The following ABCB1 variants were observed in gnomAD, a reference collection of about 807,000 sequenced individuals.
ABCB1 encodes the protein ATP-dependent translocase ABCB1.
In ABCB1, 69 loss-of-function variants were observed where a neutral mutation model predicts 142.0. The ratio of observed to expected loss-of-function variants is 0.49; its 90% CI spans 0.40 to 0.59. The LOEUF (loss-of-function observed/expected upper bound fraction) is 0.59. Ranked by LOEUF, ABCB1 falls within the 20% of genes least tolerant of loss-of-function variation. The pLI, the probability that ABCB1 is intolerant of heterozygous loss-of-function variation, is 0.00. For missense variants in ABCB1, 1,326 were observed against 1,554.7 expected (o/e 0.85, Z 2.47); for synonymous variants, 532 against 539.2 (o/e 0.99, Z 0.18).
At chr7:87,526,524 T>A (rs1474927807) in intron 21 of ABCB1, among the ~76,000 whole-genome samples, 3 of 151,302 alleles carry the variant, frequency 2.0e-5, no homozygotes, top group East Asian at 3.9e-4. Flanking sequence ...CTACAAAAAA[T>A]TTATTAAAAA....
chr7:87,598,690 T>C (rs530354693), intron 2 of ABCB1, among the ~76,000 whole-genome samples: 3 of 152,362 alleles, frequency 2.0e-5, no homozygotes, highest in Admixed American at 1.3e-4. Flanking sequence ...TCTCAGAATA[T>C]TAAGCATTCA....
At chr7:87,595,422 T>C (rs1224053562) in intron 3 of ABCB1, among the ~76,000 whole-genome samples, 1 of 152,068 alleles carries the variant, frequency 6.6e-6, no homozygotes, top group African/African-American at 2.4e-5. Flanking sequence ...GACTTTGACC[T>C]AAAAAACCTG....
chr7:87,628,007 T>C (rs562359942), intron 1 of ABCB1, among the ~76,000 whole-genome samples: 14 of 152,320 alleles, frequency 9.2e-5, no homozygotes, highest in African/African-American at 3.4e-4. Flanking sequence ...TCCTCCCTTC[T>C]TAGTACTTAG....
At chr7:87,601,852 A>G (rs1396575646), upstream of ABCB1, among the ~76,000 whole-genome samples, 2 of 152,222 alleles carry the variant, frequency 1.3e-5, no homozygotes, top group East Asian at 3.8e-4. Context: ...TTTTTACTGC[A>G]TAGTCTGAGG....
intron 1 of ABCB1, among the ~76,000 whole-genome samples, chr7:87,663,335 C>T (rs1019915652): frequency 1.3e-5 from 2 of 152,060 alleles, no homozygotes; most frequent in Admixed American, 1.3e-4. Context: ...CCCATTGACG[C>T]TATTAACTAA....
intron 5 of ABCB1, among the ~76,000 whole-genome samples, chr7:87,569,697 G>C (rs1817955003): frequency 6.6e-6 from 1 of 151,736 alleles, no homozygotes; most frequent in African/African-American, 2.4e-5. Flanking sequence ...TTTTTGTGGG[G>C]GGGTGTGGGG....
intron 1 of ABCB1, among the ~76,000 whole-genome samples, chr7:87,621,239 C>A (rs929152700): frequency 6.6e-6 from 1 of 152,042 alleles, no homozygotes; most frequent in Non-Finnish European, 1.5e-5. Context: ...GAACACTAAC[C>A]TTACGAGATG....
At chr7:87,672,209 G>A (rs960608237) in intron 1 of ABCB1, among the ~76,000 whole-genome samples, 6 of 152,206 alleles carry the variant, frequency 3.9e-5, no homozygotes, top group African/African-American at 1.4e-4. Context: ...CACTTGGGAG[G>A]TTCCACCCAT....
At chr7:87,628,595 G>A in intron 1 of ABCB1, 1 of 210,224 alleles carries the variant, frequency 4.8e-6, no homozygotes, top group Non-Finnish European at 9.0e-6. Flanking sequence ...GTGTGTGTGT[G>A]TGTGTGTGTG....
chr7:87,626,836 C>T (rs1043844525), intron 1 of ABCB1, among the ~76,000 whole-genome samples: 4 of 151,670 alleles, frequency 2.6e-5, no homozygotes, highest in Non-Finnish European at 4.4e-5. Context: ...AGTGCACTGG[C>T]GCAGTCTCCG....
chr7:87,625,991 CATATATATGTATATGTACAT>C (rs1421292022), intron 1 of ABCB1, among the ~76,000 whole-genome samples: 1 of 132,590 alleles, frequency 7.5e-6, no homozygotes, highest in Non-Finnish European at 1.6e-5. Flanking sequence ...TATATATGTA[CATATATATGTATATGTACAT>C]ATATATATAT....
intron 1 of ABCB1, among the ~76,000 whole-genome samples, chr7:87,657,381 C>T (rs77932118): frequency 0.01 from 1,566 of 152,206 alleles, 30 homozygotes; most frequent in African/African-American, 0.035. Flanking sequence ...ACTTTTCAGC[C>T]GTATCTGCTC....
intron 1 of ABCB1, 123 bp from the exon 2 acceptor site, chr7:87,600,313 C>G: frequency 1.3e-6 from 1 of 785,876 alleles, no homozygotes. Context: ...CCGTTGATGC[C>G]CCAGCTGCTC....
chr7:87,676,062 A>G (rs1435737347), intron 1 of ABCB1, among the ~76,000 whole-genome samples: 1 of 152,036 alleles, frequency 6.6e-6, no homozygotes, highest in Non-Finnish European at 1.5e-5. Flanking sequence ...TCCCATCTCT[A>G]CAAAAAGTTA....
At position 87,652,621 on chromosome 7, in the gene ABCB1, G is replaced by GATATATATATAT. The variant is rs373344881; in HGVS notation, c.-330-51555_-330-51544dup. 8.8e-3 allele frequency among the ~76,000 whole-genome samples: 1,106 copies of GATATATATATAT among 125,324 alleles called. 21 individuals are homozygous for GATATATATATAT. Among genetic ancestry groups the GATATATATATAT allele is most frequent in the African/African-American group, 0.01 (303 of 29,102 alleles). 82.2% of individuals were successfully genotyped at this position (125,324 alleles called of 152,430 possible). A position where few individuals can be genotyped will look rare whatever the true frequency, so the allele number is the denominator to read the frequency against. On this transcript the variant is annotated intron_variant, in intron 1 of 28. Coordinates refer to the ABCB1 transcript ENST00000265724. ...CTGTCAGTTGACTCTTGTGGTCACT[G>GATATATATATAT]ATATATATATATATATATATATATA...
chr7:87,690,225 T>G (rs548943894), intron 1 of ABCB1, among the ~76,000 whole-genome samples: 1 of 152,238 alleles, frequency 6.6e-6, no homozygotes, highest in African/African-American at 2.4e-5. Flanking sequence ...TATCCATAAA[T>G]TCAAATACTT....
intron 2 of ABCB1, among the ~76,000 whole-genome samples, chr7:87,596,483 G>A (rs1819211425): frequency 1.3e-5 from 2 of 152,038 alleles, no homozygotes; most frequent in East Asian, 3.8e-4. Context: ...TCAGGCATAA[G>A]GTCAACTATT....
At chr7:87,679,897 A>G (rs1435172555) in intron 1 of ABCB1, among the ~76,000 whole-genome samples, 1 of 150,694 alleles carries the variant, frequency 6.6e-6, no homozygotes, top group Non-Finnish European at 1.5e-5. Flanking sequence ...CTGAAAAATC[A>G]CCAAATGTTT....
chr7:87,598,544 A>G lies in ABCB1; in HGVS notation c.68+1573T>C, dbSNP rs148728132. On this transcript the variant is annotated intron_variant, in intron 2 of 27. Coordinates refer to ENST00000622132, the MANE Select transcript of ABCB1 (RefSeq NM_001348946.2). Reference sequence around the variant, plus strand: ...AATTCTTAGATACAACATTTTTCTGATAGTTTAGAGTTCATTGACAATCCT... The same window carrying G: ...AATTCTTAGATACAACATTTTTCTGGTAGTTTAGAGTTCATTGACAATCCT... Among the ~76,000 whole-genome samples the G allele has an allele frequency of 5.3e-5, 8 of 152,340 alleles. No homozygotes were observed. The East Asian group carries it at 1.5e-3, about 29-fold the overall frequency.
Sources: allele counts gnomAD v4.1 joint callset (sites outside exome capture counted in the v4.1 genomes callset), GRCh38; gene constraint gnomAD v4.1.1; transcripts MANE v1.5; gene names NCBI Gene and HGNC (gene_info 2026-07-23, HGNC 2026-07-21).